Variants in SLC3A2 observed in about 807,000 individuals in gnomAD.
SLC3A2 encodes solute carrier family 3 member 2, also known as amino acid transporter heavy chain SLC3A2.
In SLC3A2, 32 loss-of-function variants were observed where a neutral mutation model predicts 48.5. The observed-to-expected ratio is 0.66, with a 90% CI of 0.50 to 0.89. The LOEUF (loss-of-function observed/expected upper bound fraction) is 0.89. Ranked by LOEUF, SLC3A2 falls within the 40% of genes least tolerant of loss-of-function variation. The pLI, the probability that SLC3A2 is intolerant of heterozygous loss-of-function variation, is 0.00. For missense variants in SLC3A2, 587 were observed against 680.7 expected (o/e 0.86, Z 1.53); for synonymous variants, 277 against 288.8 (o/e 0.96, Z 0.41).
At position 62,869,396 on chromosome 11, in the gene SLC3A2, C is replaced by T. The variant is rs537925218; in HGVS notation, c.113-11623C>T. Among the ~76,000 whole-genome samples the T allele has an allele frequency of 3.0e-3, 451 of 151,212 alleles. 3 individuals carry two copies. The highest frequency in any genetic ancestry group is 9.4e-3 in the African/African-American group (388 of 41,282). ...AAAATTAGCCAGGCGTGGTGGCGGG[C>T]GCCTGTAGTCCCAGCTACTCTGGAG... On this transcript the variant is annotated intron_variant, in intron 1 of 9. Transcript: ENST00000377889.
Position 62,885,554 on chromosome 11 carries a change from T to C in SLC3A2, c.1089T>C (p.Pro363=), listed in dbSNP as rs1157482910. The C allele has an allele frequency of 6.2e-7, 1 of 1,614,074 alleles. No homozygotes were observed. The highest frequency in any genetic ancestry group is 2.2e-5 in the East Asian group (1 of 44,890). The change falls in exon 7 of 9, where the codon CCT becomes CCC. Residue 363 remains proline, a synonymous_variant. Coordinates refer to ENST00000338663, the MANE Select transcript of SLC3A2 (RefSeq NM_001013251.3). ...QLMLFTLPGT[P]VFSYGDEIGL... Reference sequence around the variant, plus strand: ...TGCTCTTCACCCTGCCAGGGACCCCTGTTTTCAGCTACGGGGATGAGATTG... The same window carrying C: ...TGCTCTTCACCCTGCCAGGGACCCCCGTTTTCAGCTACGGGGATGAGATTG...
chr11:62,868,525 C>T (rs2134984806), intron 1 of SLC3A2, among the ~76,000 whole-genome samples: 1 of 152,096 alleles, frequency 6.6e-6, no homozygotes, highest in African/African-American at 2.4e-5. Context: ...GCCACCACGC[C>T]TGGCTAATTT....
upstream of SLC3A2, chr11:62,880,594 G>T (rs2085619978): frequency 6.3e-6 from 1 of 159,166 alleles, no homozygotes; most frequent in South Asian, 1.8e-4. Context: ...AGGGGCGTTT[G>T]GGGGCGGTAA....
chr11:62,873,715 T>C (rs748521497), intron 1 of SLC3A2, among the ~76,000 whole-genome samples: 9 of 152,128 alleles, frequency 5.9e-5, no homozygotes, highest in Non-Finnish European at 1.0e-4. Flanking sequence ...GCTCTAATGA[T>C]TCTCCCATTT....
Position 62,884,693 on chromosome 11 carries a change from G to T in SLC3A2, c.818+3G>T. 6.3e-7 allele frequency: 1 copy of T among 1,593,400 alleles called. No individual in the cohort carries two copies. Among genetic ancestry groups the T allele is most frequent in the Non-Finnish European group, 8.6e-7 (1 of 1,167,512 alleles). On this transcript the variant is annotated splice_donor_region_variant and intron_variant, in intron 5 of 8. Coordinates refer to ENST00000338663, the MANE Select transcript of SLC3A2 (RefSeq NM_001013251.3). The stretch of plus-strand genomic sequence containing the variant: ...ACCAAGGGCTTCAGTGAAGACAGGT[G>T]GGTGCAGGAGCCATTCTGCTGACTC...
intron 2 of SLC3A2, 75 bp downstream of exon 2, chr11:62,882,141 C>T: frequency 8.4e-6 from 13 of 1,547,182 alleles, no homozygotes; most frequent in Non-Finnish European, 9.8e-6. Flanking sequence ...GAACTTTTGT[C>T]TGGTTTCCTG....
upstream of SLC3A2, chr11:62,880,771 G>A: frequency 1.8e-6 from 1 of 555,750 alleles, no homozygotes; most frequent in Non-Finnish European, 3.0e-6. Context: ...ACTGTCGGAG[G>A]CGTGTTCCTG....
Position 62,881,506 on chromosome 11 carries a change from A to T in SLC3A2, c.424+59A>T. ...CGGTTGAATCTGGTGGCTTGCACCG[A>T]CCCCCTCCCCTGTCCCCAGACGGAT... is the stretch of plus-strand genomic sequence containing the variant. On this transcript the variant is annotated intron_variant, in intron 1 of 8. Coordinates refer to ENST00000338663, the MANE Select transcript of SLC3A2 (RefSeq NM_001013251.3). The surrounding 1 kb of genome is among the most constrained non-coding windows in gnomAD (Gnocchi z 4.0). 1 of 1,492,486 alleles carries T rather than the reference A, an allele frequency of 6.7e-7. No individual in the cohort carries two copies. The highest frequency in any genetic ancestry group is 8.9e-7 in the Non-Finnish European group (1 of 1,124,692). The allele number at this position is 1,492,486 out of a possible 1,614,324, so 92.5% of individuals were successfully genotyped here. A position where few individuals can be genotyped will look rare whatever the true frequency, so the allele number is the denominator to read the frequency against.
chr11:62,882,853 A>C, intron 2 of SLC3A2, 55 bp from the exon 3 acceptor site: 2 of 1,404,500 alleles, frequency 1.4e-6, no homozygotes, highest in South Asian at 2.3e-5. Context: ...TGATTTCCTT[A>C]TTTTCCCTTA....
intron 1 of SLC3A2, chr11:62,856,488 T>A: frequency 2.1e-6 from 2 of 974,880 alleles, no homozygotes. Flanking sequence ...TCTGATTTTT[T>A]CCTAACTGGT....
At position 62,870,838 on chromosome 11, in the gene SLC3A2, G is replaced by GTAA. The variant is rs57671523; in HGVS notation, c.113-10164_113-10162dup. The GTAA allele has an allele frequency of 5.8e-3, 1,004 of 173,218 alleles. 18 individuals are homozygous for GTAA. Among genetic ancestry groups the GTAA allele is most frequent in the Middle Eastern group, 9.3e-3 (5 of 536 alleles). The allele number at this position is 173,218 out of a possible 1,614,324, so 10.7% of individuals were successfully genotyped here. On this transcript the variant is annotated intron_variant, in intron 1 of 9. Transcript: ENST00000377889. ...GCTTCCCAGAATGCCGAGATGATAG[G>GTAA]TAATAATAATAATAATAATTATTAT...
intron 7 of SLC3A2, among the ~76,000 whole-genome samples, chr11:62,887,152 G>C (rs892315070): frequency 6.6e-6 from 1 of 152,150 alleles, no homozygotes; most frequent in African/African-American, 2.4e-5. Context: ...GAGGTGGTTA[G>C]ATAATTAGAT....
intron 1 of SLC3A2, among the ~76,000 whole-genome samples, chr11:62,859,988 C>G (rs1360444008): frequency 6.6e-6 from 1 of 152,160 alleles, no homozygotes; most frequent in Admixed American, 6.5e-5. Flanking sequence ...CGCACCAGCA[C>G]TGGTCTCTGA....
intron 1 of SLC3A2, among the ~76,000 whole-genome samples, chr11:62,859,158 G>C (rs1305454399): frequency 6.6e-6 from 1 of 152,108 alleles, no homozygotes; most frequent in Non-Finnish European, 1.5e-5. Context: ...ACAATACCTG[G>C]CTTTCCTAGG....
chr11:62,865,932 A>G (rs1244028622), intron 1 of SLC3A2, among the ~76,000 whole-genome samples: 2 of 152,064 alleles, frequency 1.3e-5, no homozygotes, highest in Non-Finnish European at 2.9e-5. Flanking sequence ...TCCTGTCATC[A>G]GCTGTGGACT....
In SLC3A2 at chr11:62,885,504, C is replaced by T; in HGVS notation, c.1039C>T (p.Gln347Ter). 2 of 1,614,166 alleles carry T rather than the reference C, an allele frequency of 1.2e-6. No homozygotes were observed. Among genetic ancestry groups the T allele is most frequent in the Non-Finnish European group, 1.7e-6 (2 of 1,180,024 alleles). ...ARLLTSFLPAQLLRLYQLMLF... is the reference protein window; with the variant it reads ...ARLLTSFLPA ...GCTCCTGACTTCCTTCTTGCCGGCT[C>T]AACTTCTCCGACTCTACCAGCTGAT... The change falls in exon 7 of 9, where the codon CAA becomes TAA. Residue 347 changes from glutamine (Q) to a stop codon, truncating the protein, a stop_gained. Coordinates refer to ENST00000338663, the MANE Select transcript of SLC3A2 (RefSeq NM_001013251.3). LOFTEE classifies it high-confidence loss of function.
chr11:62,874,921 T>C (rs1203323120), intron 1 of SLC3A2, among the ~76,000 whole-genome samples: 2 of 152,000 alleles, frequency 1.3e-5, no homozygotes, highest in East Asian at 3.8e-4. Flanking sequence ...CGCCATCGTG[T>C]GCGACTAATT....
chr11:62,876,320 G>A (rs2085570649), upstream of SLC3A2, among the ~76,000 whole-genome samples: 1 of 152,174 alleles, frequency 6.6e-6, no homozygotes, highest in African/African-American at 2.4e-5. Context: ...GCATTTCAGG[G>A]CTCCACCGCC....
chr11:62,881,250 G>T lies in SLC3A2; in HGVS notation c.227G>T (p.Gly76Val), dbSNP rs1369261007. 3 of 1,584,388 alleles carry T rather than the reference G, an allele frequency of 1.9e-6. No homozygotes were observed. The highest frequency in any genetic ancestry group is 2.7e-5 in the African/African-American group (2 of 74,730). The change falls in exon 1 of 9, where the codon GGC (glycine) becomes GTC (valine). Residue 76 changes from glycine to valine, a missense_variant. Coordinates refer to ENST00000338663, the MANE Select transcript of SLC3A2 (RefSeq NM_001013251.3). The surrounding 1 kb of genome is among the most constrained non-coding windows in gnomAD (Gnocchi z 4.0). ...EELLKVAGSP[G>V]WVRTRWALLL... ...CTGCTGAAGGTGGCAGGCAGCCCCG[G>T]CTGGGTACGCACCCGCTGGGCACTG...
Sources: gnomAD v4.1 joint callset for allele counts (sites outside exome capture counted in the v4.1 genomes callset) on GRCh38, gnomAD v4.1.1 for gene constraint, Gnocchi (gnomAD v3.1) non-coding constraint, MANE v1.5 for transcripts, NCBI Gene and HGNC (gene_info 2026-07-23, HGNC 2026-07-21) for gene names.